TRIM23: variants seen among roughly 807,000 people sequenced by gnomAD.
TRIM23 encodes tripartite motif containing 23.
Under a neutral mutation model 71.0 loss-of-function variants are expected in TRIM23, and 27 were observed. The ratio of observed to expected loss-of-function variants is 0.38; its 90% confidence interval spans 0.28 to 0.52. The LOEUF is 0.52. Ranked by LOEUF, TRIM23 falls within the 20% of genes least tolerant of loss-of-function variation. The pLI is 0.84. For missense variants in TRIM23, 482 were observed against 692.3 expected (o/e 0.70, Z 3.41); for synonymous variants, 234 against 238.0 (o/e 0.98, Z 0.16).
intron 3 of TRIM23, 178 bp downstream of exon 3, chr5:65,613,920 T>C: frequency 6.7e-7 from 1 of 1,500,064 alleles, no homozygotes; most frequent in Non-Finnish European, 8.9e-7. Context: ...GATTTTCAAA[T>C]AATTCTAGTT....
At chr5:65,595,255 A>C (rs906582488) in intron 9 of TRIM23, among the ~76,000 whole-genome samples, 2 of 151,690 alleles carry the variant, frequency 1.3e-5, no homozygotes, top group African/African-American at 4.8e-5. Flanking sequence ...ATTAAAAAAA[A>C]ATTAAAAATT....
intron 8 of TRIM23, 101 bp downstream of exon 8, chr5:65,596,950 A>G (rs1461917726): frequency 1.4e-6 from 2 of 1,435,236 alleles, no homozygotes; most frequent in Non-Finnish European, 1.9e-6. Context: ...GAGCCAGAAA[A>G]GAGCCCACCA....
chr5:65,622,363 C>T (rs775815922), intron 1 of TRIM23, among the ~76,000 whole-genome samples: 1 of 152,100 alleles, frequency 6.6e-6, no homozygotes, highest in Non-Finnish European at 1.5e-5. Context: ...GACGGGGTTT[C>T]GCCATGTTGG....
At chr5:65,599,314 A>G (rs1446365910) in intron 7 of TRIM23, among the ~76,000 whole-genome samples, 1 of 152,228 alleles carries the variant, frequency 6.6e-6, no homozygotes, top group Non-Finnish European at 1.5e-5. Context: ...TTAAAATAGC[A>G]TCAAAATTAT....
At chr5:65,598,611 T>C (rs1288706764) in intron 7 of TRIM23, among the ~76,000 whole-genome samples, 2 of 152,040 alleles carry the variant, frequency 1.3e-5, no homozygotes, top group Admixed American at 6.5e-5. Context: ...TACCCAGGCA[T>C]GGTGGCGCAC....
intron 1 of TRIM23, 49 bp from the exon 2 acceptor site, chr5:65,618,304 T>C (rs776804433): frequency 4.6e-6 from 7 of 1,531,066 alleles, no homozygotes; most frequent in South Asian, 2.6e-5. Flanking sequence ...TTTAAAAGCA[T>C]ACATATTTTA....
rs747780831 is a variant in TRIM23 at position 65,604,886 on chromosome 5, CTAAAAA to C, written c.1179+19_1179+24del. ...AATTATGATTTGTCAGAAAAAATAC[CTAAAAA>C]TAAAGTACAGTACATTACCTTTGTA... On this transcript the variant is annotated intron_variant, in intron 7 of 10. Transcript: ENST00000231524. 9.8e-6 allele frequency: 15 copies of C among 1,538,006 alleles called. No homozygotes were observed. The highest frequency in any genetic ancestry group is 1.3e-5 in the South Asian group (1 of 76,994).
At chr5:65,603,419 C>A (rs1210675352) in intron 7 of TRIM23, among the ~76,000 whole-genome samples, 1 of 152,032 alleles carries the variant, frequency 6.6e-6, no homozygotes, top group Non-Finnish European at 1.5e-5. Flanking sequence ...GGATGTACAG[C>A]TAAGTAAAAA....
intron 2 of TRIM23, 90 bp downstream of exon 2, chr5:65,618,003 T>C: frequency 2.2e-6 from 3 of 1,341,388 alleles, no homozygotes; most frequent in Non-Finnish European, 3.0e-6. Context: ...TTTATCATTC[T>C]AAAAATCAAG....
At chr5:65,607,935 T>A (rs920201665) in intron 6 of TRIM23, among the ~76,000 whole-genome samples, 1 of 152,136 alleles carries the variant, frequency 6.6e-6, no homozygotes, top group Admixed American at 6.6e-5. Context: ...CTAAAACACA[T>A]AGGCATATTG....
chr5:65,599,510 T>G (rs1454017517), intron 7 of TRIM23, among the ~76,000 whole-genome samples: 1 of 152,230 alleles, frequency 6.6e-6, no homozygotes, highest in Non-Finnish European at 1.5e-5. Context: ...CTATTACTTT[T>G]GCACCAACCT....
intron 6 of TRIM23, 133 bp from the exon 7 acceptor site, chr5:65,605,178 T>G: frequency 2.6e-6 from 2 of 766,652 alleles, no homozygotes; most frequent in Non-Finnish European, 2.0e-6. Flanking sequence ...TTGACAAAAA[T>G]AATAATTGAG....
intron 7 of TRIM23, among the ~76,000 whole-genome samples, chr5:65,599,917 T>C (rs1029816879): frequency 3.3e-5 from 5 of 152,142 alleles, no homozygotes; most frequent in African/African-American, 1.2e-4. Context: ...TAAAGAAAAG[T>C]TTAATTGGCT....
At chr5:65,611,920 A>C in intron 3 of TRIM23, 39 bp from the exon 4 acceptor site, 2 of 1,586,728 alleles carry the variant, frequency 1.3e-6, no homozygotes, top group Non-Finnish European at 1.7e-6. Context: ...ATTGAACCCA[A>C]TCAGTATAAC....
intron 6 of TRIM23, among the ~76,000 whole-genome samples, chr5:65,608,497 T>C (rs528358953): frequency 1.6e-4 from 25 of 152,334 alleles, no homozygotes; most frequent in East Asian, 1.4e-3. Context: ...AGCTCTACAA[T>C]GGTACAAGGC....
intron 9 of TRIM23, among the ~76,000 whole-genome samples, chr5:65,596,197 T>C (rs1389830389): frequency 6.6e-6 from 1 of 152,164 alleles, no homozygotes; most frequent in Non-Finnish European, 1.5e-5. Flanking sequence ...ATATCTAAGC[T>C]ACGTATGGTT....
At chr5:65,617,020 C>G (rs542767590) in intron 2 of TRIM23, among the ~76,000 whole-genome samples, 9 of 152,192 alleles carry the variant, frequency 5.9e-5, no homozygotes, top group African/African-American at 1.7e-4. Flanking sequence ...CTCACCTGGC[C>G]TAAGTATAGT....
At chr5:65,595,552 G>T (rs185535192) in intron 9 of TRIM23, among the ~76,000 whole-genome samples, 1,676 of 100,238 alleles carry the variant, frequency 0.017, 42 homozygotes, top group African/African-American at 0.062. Context: ...AGCAAGACTC[G>T]ATCTCAAAAA....
In TRIM23 at chr5:65,614,219, C is replaced by A. The variant is rs769688998; in HGVS notation, c.245G>T (p.Gly82Val). The A allele has an allele frequency of 1.2e-6, 2 of 1,612,218 alleles. No homozygotes were observed. Among genetic ancestry groups the A allele is most frequent in the Non-Finnish European group, 1.7e-6 (2 of 1,178,826 alleles). ...CPFDRQVTDL[G>V]DSGVWGLKKN... Reference sequence around the variant, plus strand: ...TTTCAATCCCCAGACACCTGAATCACCTAGAATAAATATAAAAACAAAAAC... The same window carrying A: ...TTTCAATCCCCAGACACCTGAATCAACTAGAATAAATATAAAAACAAAAAC... The change falls in exon 3 of 11, where the codon GGT (glycine) becomes GTT (valine). Residue 82 changes from glycine (G) to valine (V), a missense_variant and splice_region_variant. Physicochemically the swap from Gly to Val is moderately radical, Grantham distance 109 (BLOSUM62 -3). Coordinates refer to ENST00000231524, the MANE Select transcript of TRIM23 (RefSeq NM_001656.4).
Sources: allele counts gnomAD v4.1 joint callset (sites outside exome capture counted in the v4.1 genomes callset), GRCh38; gene constraint gnomAD v4.1.1; transcripts MANE v1.5; gene names NCBI Gene and HGNC (gene_info 2026-07-23, HGNC 2026-07-21).